Variants in IRGC observed in about 807,000 individuals in gnomAD.
IRGC encodes the protein interferon-inducible GTPase 5.
A neutral mutation model predicts 16.1 loss-of-function variants in IRGC; 4 were observed. The ratio of observed to expected loss-of-function variants is 0.25; its 90% CI spans 0.12 to 0.57. The LOEUF (loss-of-function observed/expected upper bound fraction) is 0.57. IRGC is among the 20% of genes least tolerant of loss of function. The pLI, the probability that IRGC is intolerant of heterozygous loss-of-function variation, is 0.92. For synonymous variants in IRGC, 307 were observed against 299.5 expected (o/e 1.03, Z -0.26); for missense variants, 570 against 643.9 (o/e 0.89, Z 1.24).
intron 1 of IRGC, among the ~76,000 whole-genome samples, chr19:43,717,876 G>A (rs1968194376): frequency 6.6e-6 from 1 of 152,130 alleles, no homozygotes; most frequent in African/African-American, 2.4e-5. Flanking sequence ...AAGACCAGCT[G>A]GGACAACATA....
rs1328596862 is a variant in IRGC at position 43,719,946 on chromosome 19, A to T, written c.1388A>T (p.Lys463Ile). ...TGGAAGAAACACGACTCAGAAGAGA[A>T]ATAAAGAGTGCAGCCCCGCCCCCCT... ...DSWKKHDSEE[K>I] Residue 463 changes from lysine (K) to isoleucine (I), a missense_variant, in exon 2 of 2, where the codon AAA (lysine) becomes ATA (isoleucine). Lys to Ile is a moderately radical substitution (Grantham distance 102). Transcript: ENST00000244314. 3 of 1,612,984 alleles carry T rather than the reference A, an allele frequency of 1.9e-6. No individual in the cohort carries two copies.
At position 43,718,952 on chromosome 19, in the gene IRGC, A is replaced by G; in HGVS notation, c.394A>G (p.Ser132Gly). Reference sequence around the variant, plus strand: ...CAAGTACCTAAAGCAGGTAGACTTCAGCCGCTATGACTTCTTCCTGCTGGT... The same window carrying G: ...CAAGTACCTAAAGCAGGTAGACTTCGGCCGCTATGACTTCTTCCTGCTGGT... ...ADKYLKQVDF[S>G]RYDFFLLVSP... The change falls in exon 2 of 2, where the codon AGC (serine) becomes GGC (glycine). Residue 132 changes from serine (S) to glycine (G), a missense_variant. By Grantham distance (56) the Ser-to-Gly change is moderately conservative. Transcript: ENST00000244314. 6.2e-7 allele frequency: 1 copy of G among 1,611,344 alleles called. No individual in the cohort carries two copies. The highest frequency in any genetic ancestry group is 8.5e-7 in the Non-Finnish European group (1 of 1,179,242).
In IRGC at chr19:43,719,887, G is replaced by T. The variant is rs535834239; in HGVS notation, c.1329G>T (p.Lys443Asn). ...AAGCCCCACTCTCAACCTGCAGGAAGCTCGGCCTCCTTCTTAAGTACATTC... is the reference window on the plus strand; with the variant it reads ...AAGCCCCACTCTCAACCTGCAGGAATCTCGGCCTCCTTCTTAAGTACATTC... The part of the protein sequence containing the change: ...GEEAPLSTCR[K>N]LGLLLKYILD... The change falls in exon 2 of 2, where the codon AAG becomes AAT. Residue 443 changes from lysine to asparagine, a missense_variant. Lys to Asn is a moderately conservative substitution (Grantham distance 94). Coordinates refer to ENST00000244314, the MANE Select transcript of IRGC (RefSeq NM_019612.4). 1.9e-6 allele frequency: 3 copies of T among 1,613,974 alleles called. No homozygotes were observed. Among genetic ancestry groups the T allele is most frequent in the South Asian group, 2.2e-5 (2 of 91,088 alleles).
At chr19:43,717,208 C>T (rs1241731458) in intron 1 of IRGC, among the ~76,000 whole-genome samples, 1 of 152,096 alleles carries the variant, frequency 6.6e-6, no homozygotes, top group Non-Finnish European at 1.5e-5. Flanking sequence ...CCAAAGTCAG[C>T]CTAGGGCTAG....
rs776854343 is a variant in IRGC, at chr19:43,719,419, C to A, written c.861C>A (p.Ala287=). Residue 287 remains alanine, a synonymous_variant, in exon 2 of 2, where the codon GCC becomes GCA. Transcript: ENST00000244314. ...IQALPVPGLA[A]AYDDALLIHS... ...CCCTGCCGGTCCCAGGGCTGGCGGC[C>A]GCCTACGATGATGCGTTGCTCATCC... is the stretch of plus-strand genomic sequence containing the variant. The A allele has an allele frequency of 6.2e-7, 1 of 1,605,502 alleles. No homozygotes were observed. Among genetic ancestry groups the A allele is most frequent in the Admixed American group, 1.7e-5 (1 of 59,730 alleles).
chr19:43,719,959 G>A lies in IRGC; in HGVS notation c.*9G>A. 8 of 1,611,978 alleles carry A rather than the reference G, an allele frequency of 5.0e-6. No homozygotes were observed. The highest frequency in any genetic ancestry group is 6.8e-6 in the Non-Finnish European group (8 of 1,179,868). ...ACTCAGAAGAGAAATAAAGAGTGCAGCCCCGCCCCCCTGCCTCACCCACAA... is the reference window on the plus strand; with the variant it reads ...ACTCAGAAGAGAAATAAAGAGTGCAACCCCGCCCCCCTGCCTCACCCACAA... On this transcript the variant is annotated 3_prime_UTR_variant, in exon 2 of 2. Transcript: ENST00000244314.
In IRGC at chr19:43,718,405, G is replaced by A. The variant is rs111455046; in HGVS notation, c.-66-88G>A. 8.2e-4 allele frequency: 1,135 copies of A among 1,390,618 alleles called. 7 individuals are homozygous for A. In the African/African-American group the frequency reaches 0.011, roughly 13 times the overall value. 86.1% of individuals were successfully genotyped at this position (1,390,618 alleles called of 1,614,324 possible). A position where few individuals can be genotyped will look rare whatever the true frequency, so the allele number is the denominator to read the frequency against. On this transcript the variant is annotated intron_variant, in intron 1 of 1. Transcript: ENST00000244314. ...GAAAAAGAGAGCTGTGGGCTTCCAGGGCGACTCCCTTCACATCCGTGGTAT... is the reference window on the plus strand; with the variant it reads ...GAAAAAGAGAGCTGTGGGCTTCCAGAGCGACTCCCTTCACATCCGTGGTAT...
chr19:43,719,982 C>T lies in IRGC; in HGVS notation c.*32C>T, dbSNP rs1374615511. 18 of 1,605,712 alleles carry T rather than the reference C, an allele frequency of 1.1e-5. No individual in the cohort carries two copies. The highest frequency in any genetic ancestry group is 1.4e-5 in the Non-Finnish European group (17 of 1,176,680). ...CAGCCCCGCCCCCCTGCCTCACCCA[C>T]AAACTAAGTCTTAACAAAATCCAAA... On this transcript the variant is annotated 3_prime_UTR_variant, in exon 2 of 2. Coordinates refer to ENST00000244314, the MANE Select transcript of IRGC (RefSeq NM_019612.4).
rs373184895 is a variant in IRGC, at chr19:43,718,534, G to A, written c.-25G>A. 2.1e-5 allele frequency: 32 copies of A among 1,538,306 alleles called. No homozygotes were observed. In the East Asian group the frequency reaches 3.2e-4, roughly 15 times the overall value. On this transcript the variant is annotated 5_prime_UTR_variant, in exon 2 of 2. Transcript: ENST00000244314. ...ATCCTGTGACTCTCCCCTGTCCCCC[G>A]CCACCCTCTGAACCACTGGCCACCA...
rs749146094 is a variant in IRGC, at chr19:43,719,948, TAA to T, written c.1392_*1del. The T allele has an allele frequency of 8.2e-5, 132 of 1,612,590 alleles. 2 individuals carry two copies. Among genetic ancestry groups the T allele is most frequent in the South Asian group, 5.4e-4 (49 of 91,068 alleles). ...SWKKHDSEEK* is the reference protein window; with the variant it reads ...SWKKHDSEEKX Reference sequence around the variant, plus strand: ...GAAGAAACACGACTCAGAAGAGAAATAAAGAGTGCAGCCCCGCCCCCCTGCCT... The same window carrying T: ...GAAGAAACACGACTCAGAAGAGAAATAGAGTGCAGCCCCGCCCCCCTGCCT... On this transcript the variant is annotated frameshift_variant and stop_lost, in exon 2 of 2. Coordinates refer to ENST00000244314, the MANE Select transcript of IRGC (RefSeq NM_019612.4). LOFTEE classifies it high-confidence loss of function.
chr19:43,719,524 G>A lies in IRGC; in HGVS notation c.966G>A (p.Gln322=). The change falls in exon 2 of 2, where the codon CAG becomes CAA. Residue 322 remains glutamine, a synonymous_variant. Transcript: ENST00000244314. ...LAKLAEQVGK[Q]AGDLRSVIRS... ...AGCTGGCCGAGCAGGTGGGCAAACAGGCAGGTGACCTGCGCTCGGTCATCC... is the reference window on the plus strand; with the variant it reads ...AGCTGGCCGAGCAGGTGGGCAAACAAGCAGGTGACCTGCGCTCGGTCATCC... The A allele has an allele frequency of 6.2e-7, 1 of 1,603,578 alleles. No individual in the cohort carries two copies. Among genetic ancestry groups the A allele is most frequent in the South Asian group, 1.1e-5 (1 of 91,050 alleles).
chr19:43,719,409 G>T lies in IRGC; in HGVS notation c.851G>T (p.Gly284Val), dbSNP rs562203488. 4 of 1,607,756 alleles carry T rather than the reference G, an allele frequency of 2.5e-6. No homozygotes were observed. In the East Asian group the frequency reaches 6.7e-5, roughly 27 times the overall value. Residue 284 changes from glycine (G) to valine (V), a missense_variant, in exon 2 of 2, where the codon GGG becomes GTG. By Grantham distance (109) the Gly-to-Val change is moderately radical. Transcript: ENST00000244314. ...LGVIQALPVP[G>V]LAAAYDDALL... Reference sequence around the variant, plus strand: ...GTCATCCAGGCCCTGCCGGTCCCAGGGCTGGCGGCCGCCTACGATGATGCG... The same window carrying T: ...GTCATCCAGGCCCTGCCGGTCCCAGTGCTGGCGGCCGCCTACGATGATGCG...
chr19:43,716,404 G>A (rs892639907), intron 1 of IRGC, among the ~76,000 whole-genome samples: 8 of 150,450 alleles, frequency 5.3e-5, no homozygotes, highest in Admixed American at 3.3e-4. Flanking sequence ...TCGCTCTGTC[G>A]CCCAGGCTGG....
At position 43,718,640 on chromosome 19, in the gene IRGC, C is replaced by G; in HGVS notation, c.82C>G (p.Arg28Gly). The change falls in exon 2 of 2, where the codon CGC (arginine) becomes GGC (glycine). Residue 28 changes from arginine to glycine, a missense_variant. Coordinates refer to ENST00000244314, the MANE Select transcript of IRGC (RefSeq NM_019612.4). ...LMAKERLEALRTAFESGDLPQ... is the reference protein window; with the variant it reads ...LMAKERLEALGTAFESGDLPQ... ...GGCCAAGGAAAGGCTGGAGGCCCTG[C>G]GCACAGCCTTTGAGTCGGGTGACCT... 8.1e-6 allele frequency: 13 copies of G among 1,613,510 alleles called. No individual in the cohort carries two copies. The highest frequency in any genetic ancestry group is 1.0e-5 in the Non-Finnish European group (12 of 1,179,938).
chr19:43,718,995 G>A lies in IRGC; in HGVS notation c.437G>A (p.Gly146Glu). 6.2e-7 allele frequency: 1 copy of A among 1,612,248 alleles called. No individual in the cohort carries two copies. Among genetic ancestry groups the A allele is most frequent in the Non-Finnish European group, 8.5e-7 (1 of 1,179,620 alleles). Residue 146 changes from glycine (G) to glutamate (E), a missense_variant, in exon 2 of 2, where the codon GGG (glycine) becomes GAG (glutamate). Coordinates refer to ENST00000244314, the MANE Select transcript of IRGC (RefSeq NM_019612.4). ...CTGCTGGTCTCCCCCCGCCGCTGCG[G>A]GGCCGTCGAGACCCGCCTGGCCGCT... is the stretch of plus-strand genomic sequence containing the variant. ...FFLLVSPRRC[G>E]AVETRLAAEI...
Position 43,719,776 on chromosome 19 carries a change from TGAC to T in IRGC, c.1221_1223del (p.Asp407del), listed in dbSNP as rs868372385. The T allele has an allele frequency of 2.5e-6, 4 of 1,613,676 alleles. No individual in the cohort carries two copies. Among genetic ancestry groups the T allele is most frequent in the Non-Finnish European group, 3.4e-6 (4 of 1,179,874 alleles). On this transcript the variant is annotated inframe_deletion, in exon 2 of 2. Coordinates refer to ENST00000244314, the MANE Select transcript of IRGC (RefSeq NM_019612.4). The stretch of plus-strand genomic sequence containing the variant: ...GTGTCCGCATCAAGGCCCTGGAGGA[TGAC>T]GAGCCGCAGCCGGAGGTCAGCTTGG...
Position 43,719,257 on chromosome 19 carries a change from G to A in IRGC, c.699G>A (p.Glu233=). The A allele has an allele frequency of 1.9e-6, 3 of 1,609,148 alleles. No homozygotes were observed. The highest frequency in any genetic ancestry group is 2.5e-6 in the Non-Finnish European group (3 of 1,177,896). The part of the protein sequence containing the change: ...YDFPTLVSTW[E]HDLPSHRRHA... ...TTCCCACGCTGGTGTCCACCTGGGAGCACGACCTGCCCTCCCACCGGCGCC... is the reference window on the plus strand; with the variant it reads ...TTCCCACGCTGGTGTCCACCTGGGAACACGACCTGCCCTCCCACCGGCGCC... Residue 233 remains glutamate, a synonymous_variant, in exon 2 of 2, where the codon GAG becomes GAA. Transcript: ENST00000244314.
rs199679874 is a variant in IRGC at position 43,718,777 on chromosome 19, C to G, written c.219C>G (p.Ala73=). ...CGGGCAAGTCCTCCCTCATCAATGC[C>G]CTGCGTGGCCTGGAGGCCGAGGACC... ...SGAGKSSLIN[A]LRGLEAEDPG... The change falls in exon 2 of 2, where the codon GCC becomes GCG. Residue 73 remains alanine (A), a synonymous_variant. Coordinates refer to ENST00000244314, the MANE Select transcript of IRGC (RefSeq NM_019612.4). The G allele has an allele frequency of 6.2e-7, 1 of 1,612,920 alleles. No individual in the cohort carries two copies. Among genetic ancestry groups the G allele is most frequent in the South Asian group, 1.1e-5 (1 of 91,072 alleles).
At chr19:43,718,060 C>G (rs986559012) in intron 1 of IRGC, among the ~76,000 whole-genome samples, 2 of 152,034 alleles carry the variant, frequency 1.3e-5, no homozygotes, top group African/African-American at 4.8e-5. Flanking sequence ...CAGAGAGACC[C>G]TGTCTCAAAC....
Sources: gnomAD v4.1 joint callset for allele counts (sites outside exome capture counted in the v4.1 genomes callset) on GRCh38, gnomAD v4.1.1 for gene constraint, MANE v1.5 for transcripts, NCBI Gene and HGNC (gene_info 2026-07-23, HGNC 2026-07-21) for gene names.